The following DLGAP2 variants were observed in gnomAD, a reference collection of about 807,000 sequenced individuals.
DLGAP2 encodes DLG associated protein 2, also known as disks large-associated protein 2.
In DLGAP2, 26 loss-of-function variants were observed where a neutral mutation model predicts 100.3. The ratio of observed to expected loss-of-function variants is 0.26; its 90% CI spans 0.19 to 0.36. The LOEUF (loss-of-function observed/expected upper bound fraction) is 0.36. DLGAP2 is among the 10% of genes least tolerant of loss of function. DLGAP2 has a pLI of 1.00. For missense variants in DLGAP2, 1,858 were observed against 1,453.2 expected, an observed-to-expected ratio of 1.28 and a Z score of -4.53; for synonymous variants, 886 against 630.1, an observed-to-expected ratio of 1.41 and a Z score of -6.08.
At chr8:849,267 G>C (rs1490738193) in intron 1 of DLGAP2, among the ~76,000 whole-genome samples, 1 of 152,224 alleles carries the variant, frequency 6.6e-6, no homozygotes, top group African/African-American at 2.4e-5. Flanking sequence ...TGCAGCATAG[G>C]ATCACACAGA....
At chr8:1,504,043 C>T (rs114367393) in intron 4 of DLGAP2, among the ~76,000 whole-genome samples, 170 of 152,210 alleles carry the variant, frequency 1.1e-3, no homozygotes, top group African/African-American at 4.0e-3. Flanking sequence ...TCCAGGGAGG[C>T]CTTTTAGCCC....
chr8:1,302,038 C>G (rs913281868), intron 3 of DLGAP2: 2 of 152,290 alleles, frequency 1.3e-5, no homozygotes, highest in African/African-American at 4.8e-5. Context: ...TTCTTAAACT[C>G]TTTTCCAACC....
intron 1 of DLGAP2, among the ~76,000 whole-genome samples, chr8:763,747 C>A (rs1277365561): frequency 6.6e-6 from 1 of 151,832 alleles, no homozygotes; most frequent in African/African-American, 2.4e-5. Flanking sequence ...GTGCAAGGCA[C>A]TGAACACACA....
At chr8:1,372,205 C>G (rs994448616) in intron 3 of DLGAP2, among the ~76,000 whole-genome samples, 3 of 149,834 alleles carry the variant, frequency 2.0e-5, no homozygotes, top group African/African-American at 7.5e-5. Flanking sequence ...GGTCACCGTG[C>G]TGCCAACGCT....
chr8:1,172,861 G>A (rs1183239496), intron 2 of DLGAP2, among the ~76,000 whole-genome samples: 1 of 152,138 alleles, frequency 6.6e-6, no homozygotes, highest in Non-Finnish European at 1.5e-5. Flanking sequence ...TTGATCGTCT[G>A]AACCCTTCTT....
At chr8:1,301,541 A>G (rs997948765) in intron 3 of DLGAP2, 1 of 151,626 alleles carries the variant, frequency 6.6e-6, no homozygotes, top group African/African-American at 2.4e-5. Context: ...GAACACTTTC[A>G]CTCTTTTTCT....
intron 6 of DLGAP2, among the ~76,000 whole-genome samples, chr8:1,577,912 C>T (rs1033362543): frequency 4.6e-5 from 7 of 152,354 alleles, no homozygotes; most frequent in East Asian, 1.9e-4. Flanking sequence ...CTGGCACCAG[C>T]GCGAGTGCTC....
At chr8:1,660,525 C>T (rs771837050) in intron 8 of DLGAP2, among the ~76,000 whole-genome samples, 2 of 152,184 alleles carry the variant, frequency 1.3e-5, no homozygotes, top group Non-Finnish European at 2.9e-5. Context: ...TCTGTACTCA[C>T]ATGTAAAAAT....
intron 2 of DLGAP2, among the ~76,000 whole-genome samples, chr8:1,190,957 C>T (rs953802527): frequency 2.6e-5 from 4 of 152,206 alleles, no homozygotes; most frequent in South Asian, 2.1e-4. Context: ...TCCCCAGCAG[C>T]GCAGCGAGGG....
intron 1 of DLGAP2, among the ~76,000 whole-genome samples, chr8:748,850 G>T (rs1161778499): frequency 6.6e-6 from 1 of 152,196 alleles, no homozygotes; most frequent in Non-Finnish European, 1.5e-5. Context: ...GCGGCGCGGA[G>T]ACCTTTCGTT....
At chr8:1,137,244 C>G (rs1329616393) in intron 2 of DLGAP2, 1 of 152,344 alleles carries the variant, frequency 6.6e-6, no homozygotes, top group African/African-American at 2.4e-5. Context: ...GACACCAGTC[C>G]TATTGAATTA....
chr8:1,068,595 T>C (rs1199584538), intron 2 of DLGAP2, among the ~76,000 whole-genome samples: 1 of 151,548 alleles, frequency 6.6e-6, no homozygotes, highest in Non-Finnish European at 1.5e-5. Flanking sequence ...TTTGCTGCTA[T>C]GTGAGGAGGA....
intron 2 of DLGAP2, among the ~76,000 whole-genome samples, chr8:1,225,859 A>G (rs1340715217): frequency 6.6e-6 from 1 of 152,234 alleles, no homozygotes; most frequent in Admixed American, 6.5e-5. Context: ...TCACACCACA[A>G]AAAAGTTTAA....
chr8:1,278,683 C>T (rs1350322224), intron 3 of DLGAP2, among the ~76,000 whole-genome samples: 1 of 152,170 alleles, frequency 6.6e-6, no homozygotes, highest in Non-Finnish European at 1.5e-5. Flanking sequence ...AGTGGTGTGA[C>T]CCTCTTATCT....
At chr8:833,895 C>G in intron 1 of DLGAP2, among the ~76,000 whole-genome samples, 1 of 152,154 alleles carries the variant, frequency 6.6e-6, no homozygotes, top group East Asian at 1.9e-4. Context: ...TCCTCTTTGC[C>G]ATTTTCAAAG....
intron 3 of DLGAP2, among the ~76,000 whole-genome samples, chr8:1,322,064 A>T (rs998618147): frequency 6.6e-6 from 1 of 152,232 alleles, no homozygotes; most frequent in South Asian, 2.1e-4. Context: ...GAGCCAACAG[A>T]TTAGCAGAAA....
intron 1 of DLGAP2, among the ~76,000 whole-genome samples, chr8:875,911 G>T (rs1019113559): frequency 1.3e-5 from 2 of 152,110 alleles, no homozygotes; most frequent in African/African-American, 4.8e-5. Flanking sequence ...CTTCTATGTA[G>T]CTATACTATG....
chr8:1,025,349 C>A (rs1254803477), intron 2 of DLGAP2, among the ~76,000 whole-genome samples: 2 of 152,140 alleles, frequency 1.3e-5, no homozygotes, highest in Non-Finnish European at 2.9e-5. Context: ...CTCTTGGTCT[C>A]TGTCCAGCAC....
chr8:1,339,501 G>T (rs1042284880), intron 3 of DLGAP2, among the ~76,000 whole-genome samples: 3 of 152,318 alleles, frequency 2.0e-5, no homozygotes, highest in Admixed American at 6.5e-5. Context: ...TTCTGGAACC[G>T]CAGCACTGTC....
Sources: allele counts gnomAD v4.1 joint callset (sites outside exome capture counted in the v4.1 genomes callset), GRCh38; gene constraint gnomAD v4.1.1; transcripts MANE v1.5; gene names NCBI Gene and HGNC (gene_info 2026-07-23, HGNC 2026-07-21).